CSMD1: variants seen among roughly 807,000 people sequenced by gnomAD.
CSMD1 encodes CUB and sushi domain-containing protein 1.
Under a neutral mutation model 417.5 loss-of-function variants are expected in CSMD1, and 213 were observed. The ratio of observed to expected loss-of-function variants is 0.51; its 90% CI spans 0.46 to 0.57. The LOEUF (loss-of-function observed/expected upper bound fraction) is 0.57, where lower values mean the gene tolerates loss of function less well. Among genes scored for constraint, CSMD1 ranks in the 20% least tolerant of loss-of-function variants. CSMD1 has a pLI of 0.00. For synonymous variants in CSMD1, 2,862 were observed against 1,736.8 expected (o/e 1.65, Z -16.11); for missense variants, 6,923 against 4,529.7 (o/e 1.53, Z -15.17).
intron 5 of CSMD1, among the ~76,000 whole-genome samples, chr8:3,902,355 T>G (rs1296092115): frequency 6.6e-6 from 1 of 152,216 alleles, no homozygotes; most frequent in Non-Finnish European, 1.5e-5. Context: ...TTGGCTTTTC[T>G]GTTTACAAAA....
intron 5 of CSMD1, among the ~76,000 whole-genome samples, chr8:3,936,965 T>A (rs1810540741): frequency 6.6e-6 from 1 of 151,974 alleles, no homozygotes; most frequent in Non-Finnish European, 1.5e-5. Context: ...CGAACAGGAG[T>A]TTAAAAGAAG....
intron 33 of CSMD1, among the ~76,000 whole-genome samples, chr8:3,191,165 C>G (rs1796399012): frequency 1.3e-5 from 2 of 152,176 alleles, no homozygotes. Flanking sequence ...CAAATCCTAA[C>G]AAGCCCCAGC....
At chr8:3,287,850 C>G (rs7007312) in intron 25 of CSMD1, among the ~76,000 whole-genome samples, 133,085 of 147,708 alleles carry the variant, frequency 0.9, 60,433 homozygotes, top group Middle Eastern at 0.95. Context: ...TTGAATAGGA[C>G]TGGTGAGAGA....
At chr8:3,054,246 A>T (rs1037841) in intron 49 of CSMD1, among the ~76,000 whole-genome samples, 74,406 of 152,090 alleles carry the variant, frequency 0.49, 18,964 homozygotes, top group Non-Finnish European at 0.57. Flanking sequence ...GTATTCCCCA[A>T]TAAAATCCAA....
intron 1 of CSMD1, among the ~76,000 whole-genome samples, chr8:4,821,379 AT>A (rs1336591742): frequency 6.6e-6 from 1 of 152,174 alleles, no homozygotes; most frequent in African/African-American, 2.4e-5. Flanking sequence ...AGGTGCGTTT[AT>A]CCCCATAAAG....
At chr8:3,509,308 C>T (rs972183501) in intron 10 of CSMD1, among the ~76,000 whole-genome samples, 8 of 152,192 alleles carry the variant, frequency 5.3e-5, no homozygotes, top group African/African-American at 1.9e-4. Flanking sequence ...CTTTCCCCCA[C>T]CCATAGTTAT....
At chr8:3,678,696 G>C (rs1057443277) in intron 7 of CSMD1, among the ~76,000 whole-genome samples, 1 of 152,094 alleles carries the variant, frequency 6.6e-6, no homozygotes, top group Non-Finnish European at 1.5e-5. Flanking sequence ...ACGCCACAAA[G>C]ATACTCCTCG....
chr8:4,377,210 G>C (rs1034677483), intron 3 of CSMD1, among the ~76,000 whole-genome samples: 14 of 152,206 alleles, frequency 9.2e-5, no homozygotes, highest in African/African-American at 2.7e-4. Flanking sequence ...AGGGCTGAGA[G>C]CGCAAAAGAG....
chr8:4,456,187 A>G (rs1799471500), intron 2 of CSMD1, among the ~76,000 whole-genome samples: 1 of 152,080 alleles, frequency 6.6e-6, no homozygotes, highest in South Asian at 2.1e-4. Context: ...CATGACACAA[A>G]CTTTATTACA....
intron 7 of CSMD1, among the ~76,000 whole-genome samples, chr8:3,644,078 C>A (rs902221757): frequency 6.6e-6 from 1 of 152,166 alleles, no homozygotes; most frequent in Non-Finnish European, 1.5e-5. Flanking sequence ...TAAGAAAGTG[C>A]TCCAGGGCAG....
chr8:4,238,701 C>T (rs13270159), intron 3 of CSMD1, among the ~76,000 whole-genome samples: 50,335 of 152,024 alleles, frequency 0.33, 9,112 homozygotes, highest in South Asian at 0.51. Context: ...TACCTGTTAG[C>T]TGTTTGGGGC....
At chr8:4,824,944 G>A (rs1275074239) in intron 1 of CSMD1, among the ~76,000 whole-genome samples, 1 of 152,078 alleles carries the variant, frequency 6.6e-6, no homozygotes, top group Non-Finnish European at 1.5e-5. Context: ...ACATTTCTCG[G>A]GAATCAAAGT....
At chr8:3,792,545 A>C (rs1016642407) in intron 5 of CSMD1, among the ~76,000 whole-genome samples, 1 of 152,182 alleles carries the variant, frequency 6.6e-6, no homozygotes, top group African/African-American at 2.4e-5. Flanking sequence ...TATTTTTCAG[A>C]CTAGTAACTT....
chr8:4,309,462 GAAAA>G (rs1286159506), intron 3 of CSMD1, among the ~76,000 whole-genome samples: 1 of 142,370 alleles, frequency 7.0e-6, no homozygotes, highest in Non-Finnish European at 1.5e-5. Context: ...TGAAAGACGA[GAAAA>G]AATAAATATT....
chr8:3,476,773 C>G (rs1162755942), intron 11 of CSMD1, among the ~76,000 whole-genome samples: 1 of 151,954 alleles, frequency 6.6e-6, no homozygotes, highest in Non-Finnish European at 1.5e-5. Context: ...TGAACATTAG[C>G]CAGGCTTGGT....
At chr8:3,330,671 A>T (rs974093122) in intron 23 of CSMD1, among the ~76,000 whole-genome samples, 9 of 152,306 alleles carry the variant, frequency 5.9e-5, no homozygotes, top group African/African-American at 1.9e-4. Flanking sequence ...TGGGTGACCA[A>T]ATAATCTGTA....
At chr8:3,773,791 G>C (rs1289180965) in intron 5 of CSMD1, among the ~76,000 whole-genome samples, 1 of 152,136 alleles carries the variant, frequency 6.6e-6, no homozygotes, top group East Asian at 1.9e-4. Context: ...TATCATTCAA[G>C]TGGCAGGCCC....
intron 7 of CSMD1, among the ~76,000 whole-genome samples, chr8:3,630,556 A>G (rs1175591711): frequency 2.6e-5 from 4 of 152,196 alleles, no homozygotes; most frequent in Non-Finnish European, 5.9e-5. Flanking sequence ...AAAGCCAATT[A>G]GAGGAAGAAG....
intron 5 of CSMD1, among the ~76,000 whole-genome samples, chr8:3,907,023 T>A (rs1808160202): frequency 6.6e-6 from 1 of 152,186 alleles, no homozygotes; most frequent in Non-Finnish European, 1.5e-5. Context: ...CTTTCATAGA[T>A]GAGAAAAATG....
Sources: allele counts gnomAD v4.1 joint callset (sites outside exome capture counted in the v4.1 genomes callset), GRCh38; gene constraint gnomAD v4.1.1; transcripts MANE v1.5; gene names NCBI Gene and HGNC (gene_info 2026-07-23, HGNC 2026-07-21).